The following KCNIP1 variants were observed in gnomAD, a reference collection of about 807,000 sequenced individuals.
The protein encoded by KCNIP1 is potassium voltage-gated channel interacting protein 1.
In KCNIP1, 18 loss-of-function variants were observed where a neutral mutation model predicts 33.0. That is an observed-to-expected ratio of 0.55 (90% confidence interval 0.38 to 0.81). The LOEUF (loss-of-function observed/expected upper bound fraction) is 0.81, where lower values mean the gene tolerates loss of function less well. Among genes scored for constraint, KCNIP1 ranks in the 30% least tolerant of loss-of-function variants. The pLI, the probability that KCNIP1 is intolerant of heterozygous loss-of-function variation, is 0.00. For missense variants in KCNIP1, 238 were observed against 271.6 expected, an observed-to-expected ratio of 0.88 and a Z score of 0.87; for synonymous variants, 93 against 98.3, an observed-to-expected ratio of 0.95 and a Z score of 0.32.
At chr5:170,466,317 A>G (rs1374838290) in intron 1 of KCNIP1, among the ~76,000 whole-genome samples, 6 of 152,198 alleles carry the variant, frequency 3.9e-5, no homozygotes, top group Non-Finnish European at 7.4e-5. Flanking sequence ...TCAAGCTGAT[A>G]TGTAGATCCA....
At chr5:170,570,443 TC>T (rs1364716153) in intron 1 of KCNIP1, among the ~76,000 whole-genome samples, 2 of 152,030 alleles carry the variant, frequency 1.3e-5, no homozygotes, top group African/African-American at 4.8e-5. Context: ...TCATACTCTC[TC>T]CCCCACCCCC....
At chr5:170,388,371 G>A (rs1263623548) in intron 1 of KCNIP1, among the ~76,000 whole-genome samples, 3 of 152,212 alleles carry the variant, frequency 2.0e-5, no homozygotes, top group African/African-American at 7.2e-5. Context: ...GAGGAAGGAT[G>A]GGAACTGTCA....
At chr5:170,362,437 C>T (rs577560324) in intron 1 of KCNIP1, among the ~76,000 whole-genome samples, 1 of 152,194 alleles carries the variant, frequency 6.6e-6, no homozygotes, top group Non-Finnish European at 1.5e-5. Flanking sequence ...ACTTCAGGAC[C>T]TCCATTCTGA....
intron 1 of KCNIP1, among the ~76,000 whole-genome samples, chr5:170,520,402 T>G (rs1755318660): frequency 6.6e-6 from 1 of 152,144 alleles, no homozygotes; most frequent in Non-Finnish European, 1.5e-5. Flanking sequence ...CTTGGGGAAA[T>G]TAAGCCCCAG....
chr5:170,470,452 G>T (rs960225754), intron 1 of KCNIP1, among the ~76,000 whole-genome samples: 3 of 151,982 alleles, frequency 2.0e-5, no homozygotes, highest in African/African-American at 4.8e-5. Context: ...AACTGATCTT[G>T]GGTCTGCCCA....
At chr5:170,419,413 C>T (rs956559652) in intron 1 of KCNIP1, among the ~76,000 whole-genome samples, 1 of 152,226 alleles carries the variant, frequency 6.6e-6, no homozygotes, top group Non-Finnish European at 1.5e-5. Context: ...ACCACTCCCC[C>T]AGTCTAGACT....
At chr5:170,542,487 T>G (rs902354588) in intron 1 of KCNIP1, among the ~76,000 whole-genome samples, 1 of 152,156 alleles carries the variant, frequency 6.6e-6, no homozygotes, top group Admixed American at 6.5e-5. Flanking sequence ...GACTCAACCC[T>G]GCATGGAAAA....
chr5:170,694,840 T>A (rs772989515), intron 1 of KCNIP1, among the ~76,000 whole-genome samples: 1 of 152,226 alleles, frequency 6.6e-6, no homozygotes, highest in Non-Finnish European at 1.5e-5. Context: ...CCATGAGCTC[T>A]GTCCGCAAAA....
At chr5:170,524,767 C>T (rs11744046) in intron 1 of KCNIP1, among the ~76,000 whole-genome samples, 66,806 of 151,818 alleles carry the variant, frequency 0.44, 14,792 homozygotes, top group East Asian at 0.47. Context: ...AGAGGAGGGA[C>T]CTTACCCATG....
intron 1 of KCNIP1, among the ~76,000 whole-genome samples, chr5:170,550,162 G>A (rs1466820067): frequency 1.3e-5 from 2 of 152,140 alleles, no homozygotes; most frequent in African/African-American, 4.8e-5. Context: ...GCAGTTGGCT[G>A]TTGTATCCAG....
At chr5:170,513,024 T>G (rs1754996388) in intron 1 of KCNIP1, among the ~76,000 whole-genome samples, 1 of 150,168 alleles carries the variant, frequency 6.7e-6, no homozygotes, top group African/African-American at 2.5e-5. Context: ...CACTCCAGCC[T>G]GGGCGACAGA....
chr5:170,666,159 T>C (rs945642288), intron 1 of KCNIP1, among the ~76,000 whole-genome samples: 5 of 152,210 alleles, frequency 3.3e-5, no homozygotes, highest in Admixed American at 6.5e-5. Flanking sequence ...CATAAGAGAT[T>C]TGTTTATATT....
intron 1 of KCNIP1, among the ~76,000 whole-genome samples, chr5:170,437,219 C>T (rs924634211): frequency 2.5e-4 from 38 of 152,128 alleles, no homozygotes; most frequent in Non-Finnish European, 7.3e-5. Flanking sequence ...AGGGAAGGCA[C>T]CTCTTAAATG....
At chr5:170,371,614 G>A (rs1020407131) in intron 1 of KCNIP1, among the ~76,000 whole-genome samples, 1 of 152,148 alleles carries the variant, frequency 6.6e-6, no homozygotes, top group Non-Finnish European at 1.5e-5. Flanking sequence ...TTGGTGAAAT[G>A]GAGATACTAA....
At chr5:170,483,029 A>G (rs748199860) in intron 1 of KCNIP1, 9 of 448,956 alleles carry the variant, frequency 2.0e-5, no homozygotes, top group South Asian at 3.2e-5. Context: ...TGGAAGAAAC[A>G]GCCTTTCTTC....
chr5:170,533,679 G>T (rs1322815628), intron 1 of KCNIP1, among the ~76,000 whole-genome samples: 1 of 152,254 alleles, frequency 6.6e-6, no homozygotes, highest in African/African-American at 2.4e-5. Context: ...AAACCTGTTA[G>T]CAGAAGGCTG....
chr5:170,503,985 CCCGCCGCCCCCT>C (rs540642345), upstream of KCNIP1: 1,742 of 937,968 alleles, frequency 1.9e-3, 12 homozygotes, highest in African/African-American at 0.02. Flanking sequence ...TAGTTGCCCG[CCCGCCGCCCCCT>C]CCGCCGCCCC....
At chr5:170,366,403 G>A (rs1326400978) in intron 1 of KCNIP1, among the ~76,000 whole-genome samples, 2 of 152,228 alleles carry the variant, frequency 1.3e-5, no homozygotes, top group African/African-American at 2.4e-5. Flanking sequence ...GGGAGAAGCT[G>A]GCTGGAACCA....
rs913809275 is a variant in KCNIP1 at position 170,417,640 on chromosome 5, T to C, written c.88+63676T>C. ...TGGTAAACTCCCCATTCCCTGTTTT[T>C]TTTGTGGGTATACAGATAGTAAAAG... On this transcript the variant is annotated intron_variant, in intron 1 of 7. Coordinates refer to the KCNIP1 transcript ENST00000377360. 4.6e-5 allele frequency among the ~76,000 whole-genome samples: 7 copies of C among 152,178 alleles called. No individual in the cohort carries two copies. The South Asian group carries it at 1.4e-3, about 31-fold the overall frequency.
Sources: allele counts gnomAD v4.1 joint callset (sites outside exome capture counted in the v4.1 genomes callset), GRCh38; gene constraint gnomAD v4.1.1; transcripts MANE v1.5; gene names NCBI Gene and HGNC (gene_info 2026-07-23, HGNC 2026-07-21).